Variants in FAM83F observed in about 807,000 individuals in gnomAD.
FAM83F encodes scaffolding CK1 anchoring protein F, also known as protein FAM83F.
FAM83F carries 45 observed loss-of-function variants against 42.9 expected under a neutral mutation model. The ratio of observed to expected loss-of-function variants is 1.05; its 90% confidence interval spans 0.83 to 1.35. FAM83F has a LOEUF of 1.35. Ranked by LOEUF, FAM83F falls within the 40% of genes most tolerant of loss-of-function variation. FAM83F has a pLI of 0.00. For synonymous variants in FAM83F, 306 were observed against 298.3 expected (o/e 1.03, Z -0.27); for missense variants, 617 against 695.9 (o/e 0.89, Z 1.28).
intron 1 of FAM83F, among the ~76,000 whole-genome samples, chr22:40,018,111 A>T (rs1414517779): frequency 6.6e-6 from 1 of 152,176 alleles, no homozygotes; most frequent in Non-Finnish European, 1.5e-5. Flanking sequence ...ATCAGGACTG[A>T]TTTTTGTAAA....
rs1415789754 is a variant in FAM83F, at chr22:40,035,427, TC to T, written c.*5863del. The T allele has an allele frequency of 6.6e-6, 1 of 152,232 alleles. No homozygotes were observed. The highest frequency in any genetic ancestry group is 2.4e-5 in the African/African-American group (1 of 41,418). The allele number at this position is 152,232 out of a possible 1,614,324, so 9.4% of individuals were successfully genotyped here. ...CTTATTTCCTGCTCGCAGCTTTGACTCTCTGCCTCATCTCTTCCTGGAAGTG... is the reference window on the plus strand; with the variant it reads ...CTTATTTCCTGCTCGCAGCTTTGACTTCTGCCTCATCTCTTCCTGGAAGTG... On this transcript the variant is annotated 3_prime_UTR_variant, in exon 5 of 5. Transcript: ENST00000333407.
Position 40,043,051 on chromosome 22 carries a change from A to G in FAM83F, c.*13486A>G, listed in dbSNP as rs1211454208. 1 of 152,192 alleles carries G rather than the reference A, an allele frequency of 6.6e-6. No homozygotes were observed. The highest frequency in any genetic ancestry group is 6.5e-5 in the Admixed American group (1 of 15,286). The allele number at this position is 152,192 out of a possible 1,614,324, so 9.4% of individuals were successfully genotyped here. ...CTTCTTGCAGTTGCCCTAGGAATAC[A>G]TGCCACTTACTCTTAATTGACGTTT... On this transcript the variant is annotated 3_prime_UTR_variant, in exon 5 of 5. Transcript: ENST00000333407.
chr22:40,035,951 A>C lies in FAM83F; in HGVS notation c.*6386A>C, dbSNP rs2067621520. 1 of 152,202 alleles carries C rather than the reference A, an allele frequency of 6.6e-6. No individual in the cohort carries two copies. The highest frequency in any genetic ancestry group is 1.5e-5 in the Non-Finnish European group (1 of 68,038). 9.4% of individuals were successfully genotyped at this position (152,202 alleles called of 1,614,324 possible). ...CACTTTCATATTGAATCGTTGGCAC[A>C]CAGGGCTAACTGCTTGTTCACCTGA... On this transcript the variant is annotated 3_prime_UTR_variant, in exon 5 of 5. Transcript: ENST00000333407.
chr22:40,016,991 G>A lies in FAM83F; in HGVS notation c.490-2177G>A, dbSNP rs972589482. On this transcript the variant is annotated intron_variant, in intron 1 of 4. Coordinates refer to ENST00000333407, the MANE Select transcript of FAM83F (RefSeq NM_138435.4). Reference sequence around the variant, plus strand: ...TGTTACATTTTAAATGCCTCTCTGGGCCTGGTAATTTAAAAGGTCTCTGAT... The same window carrying A: ...TGTTACATTTTAAATGCCTCTCTGGACCTGGTAATTTAAAAGGTCTCTGAT... Among the ~76,000 whole-genome samples, 11 of 152,034 alleles carry A rather than the reference G, an allele frequency of 7.2e-5. 1 individual carries two copies. Among genetic ancestry groups the A allele is most frequent in the Admixed American group, 7.2e-4 (11 of 15,272 alleles).
chr22:40,022,844 G>A (rs2067530064), intron 4 of FAM83F, among the ~76,000 whole-genome samples: 1 of 152,192 alleles, frequency 6.6e-6, no homozygotes, highest in African/African-American at 2.4e-5. Flanking sequence ...CTGAGGTCTT[G>A]TGTGCCCGGC....
At chr22:40,019,726 G>A (rs1401828156) in intron 2 of FAM83F, among the ~76,000 whole-genome samples, 161 bp from the exon 3 acceptor site, 9 of 152,208 alleles carry the variant, frequency 5.9e-5, no homozygotes, top group Admixed American at 5.9e-4. Flanking sequence ...GCTCGCCAAA[G>A]AGGGTTCCCT....
In FAM83F at chr22:40,001,991, TTGG is replaced by T. The variant is rs1159137701; in HGVS notation, c.489+6470_489+6472del. Among the ~76,000 whole-genome samples, 11 of 152,254 alleles carry T rather than the reference TTGG, an allele frequency of 7.2e-5. No homozygotes were observed. The East Asian group carries it at 2.1e-3, about 29-fold the overall frequency. ...ACTGTATTGATCTGTTTGCCTTGAT[TTGG>T]TGGTGGTGGGCCGTGGTTGGTAAGG... On this transcript the variant is annotated intron_variant, in intron 1 of 4. Transcript: ENST00000333407.
intron 1 of FAM83F, among the ~76,000 whole-genome samples, chr22:40,005,989 C>T (rs1431058549): frequency 6.6e-6 from 1 of 152,188 alleles, no homozygotes; most frequent in African/African-American, 2.4e-5. Flanking sequence ...CCTGTAATGC[C>T]AGCACTGTGG....
chr22:40,025,056 C>T (rs2067544040), intron 4 of FAM83F, among the ~76,000 whole-genome samples: 1 of 152,094 alleles, frequency 6.6e-6, no homozygotes, highest in African/African-American at 2.4e-5. Context: ...AGCTTCTGTG[C>T]CCTCCGCACA....
rs1424714448 is a variant in FAM83F, at chr22:40,023,988, AGC to A, written c.1453+2026_1453+2027del. ...TCTCCCTCCCAAGGCCTGAGGGAGA[AGC>A]AGCAGCTCCTCTCCTGTCTTTTGCT... is the stretch of plus-strand genomic sequence containing the variant. On this transcript the variant is annotated intron_variant, in intron 4 of 4. Coordinates refer to ENST00000333407, the MANE Select transcript of FAM83F (RefSeq NM_138435.4). The surrounding 1 kb of genome is among the most constrained non-coding windows in gnomAD (Gnocchi z 4.1). 1.4e-4 allele frequency among the ~76,000 whole-genome samples: 22 copies of A among 152,226 alleles called. No homozygotes were observed. The highest frequency in any genetic ancestry group is 5.1e-4 in the African/African-American group (21 of 41,548).
At position 40,033,433 on chromosome 22, in the gene FAM83F, C is replaced by T. The variant is rs1485100711; in HGVS notation, c.*3868C>T. ...CTTTCAGATGAGGAGGCACACAACT[C>T]TCCCCAGATCCCACGTCACAGAGAA... On this transcript the variant is annotated 3_prime_UTR_variant, in exon 5 of 5. Transcript: ENST00000333407. 6.6e-6 allele frequency: 1 copy of T among 152,252 alleles called. No homozygotes were observed. The highest frequency in any genetic ancestry group is 2.4e-5 in the African/African-American group (1 of 41,452). The allele number at this position is 152,252 out of a possible 1,614,324, so 9.4% of individuals were successfully genotyped here.
chr22:40,017,680 C>T (rs1042948530), intron 1 of FAM83F, among the ~76,000 whole-genome samples: 6 of 152,282 alleles, frequency 3.9e-5, no homozygotes, highest in South Asian at 4.1e-4. Flanking sequence ...ACTTTAGAGT[C>T]GGTGCTTTCA....
chr22:40,026,701 G>C (rs972628154), intron 4 of FAM83F, among the ~76,000 whole-genome samples: 4 of 152,064 alleles, frequency 2.6e-5, no homozygotes, highest in African/African-American at 9.7e-5. Context: ...TTGCTTCCCA[G>C]TTTCTCTGAG....
chr22:39,999,576 C>T (rs1304985763), intron 1 of FAM83F, among the ~76,000 whole-genome samples: 2 of 152,200 alleles, frequency 1.3e-5, no homozygotes, highest in Non-Finnish European at 2.9e-5. Context: ...TACACAGAGG[C>T]TCCCTCTGAG....
intron 1 of FAM83F, among the ~76,000 whole-genome samples, chr22:39,999,638 A>C (rs2145706636): frequency 6.6e-6 from 1 of 152,308 alleles, no homozygotes. Context: ...GAGGTTACAC[A>C]ACATCCCCAG....
chr22:39,997,973 G>A (rs2067379768), intron 1 of FAM83F: 1 of 152,398 alleles, frequency 6.6e-6, no homozygotes, highest in Middle Eastern at 3.1e-3. Flanking sequence ...AGGAAACTGA[G>A]GCACAGAGAA....
In FAM83F at chr22:40,038,816, C is replaced by G. The variant is rs942778447; in HGVS notation, c.*9251C>G. 6.6e-6 allele frequency: 1 copy of G among 152,338 alleles called. No individual in the cohort carries two copies. The highest frequency in any genetic ancestry group is 2.4e-5 in the African/African-American group (1 of 41,452). The allele number at this position is 152,338 out of a possible 1,614,324, so 9.4% of individuals were successfully genotyped here. ...GGCTGAGGGGTCCCTGGACAGGAAC[C>G]AGCCTTCCCTATGCACCTGCACCCG... On this transcript the variant is annotated 3_prime_UTR_variant, in exon 5 of 5. Coordinates refer to ENST00000333407, the MANE Select transcript of FAM83F (RefSeq NM_138435.4).
In FAM83F at chr22:40,027,055, C is replaced by A. The variant is rs1192667848; in HGVS notation, c.1454-2461C>A. The stretch of plus-strand genomic sequence containing the variant: ...CAGGCCCTGCTCTAAGTTCCTGGCA[C>A]AGCTGTGAACAGAATGAACATGGTC... On this transcript the variant is annotated intron_variant, in intron 4 of 4. Transcript: ENST00000333407. Among the ~76,000 whole-genome samples, 24 of 152,274 alleles carry A rather than the reference C, an allele frequency of 1.6e-4. No homozygotes were observed. The East Asian group carries it at 4.6e-3, about 29-fold the overall frequency.
chr22:40,020,357 A>ATTTTTTTTTTTTTTTTTTTTTTTTT (rs552816341), intron 3 of FAM83F, among the ~76,000 whole-genome samples: 1 of 116,406 alleles, frequency 8.6e-6, no homozygotes, highest in Non-Finnish European at 1.8e-5. Context: ...TGTCGCCAGA[A>ATTTTTTTTTTTTTTTTTTTTTTTTT]TTTTTTTTTT....
Sources: allele counts gnomAD v4.1 joint callset (sites outside exome capture counted in the v4.1 genomes callset), GRCh38; gene constraint gnomAD v4.1.1; non-coding constraint Gnocchi (gnomAD v3.1); transcripts MANE v1.5; gene names NCBI Gene and HGNC (gene_info 2026-07-23, HGNC 2026-07-21).